The following GRM5 variants were observed in gnomAD, a reference collection of about 807,000 sequenced individuals.
GRM5 encodes the protein glutamate metabotropic receptor 5, also known as metabotropic glutamate receptor 5.
Under a neutral mutation model 83.1 loss-of-function variants are expected in GRM5, and 19 were observed. The observed-to-expected ratio is 0.23, with a 90% CI of 0.16 to 0.34. GRM5 has a LOEUF of 0.34. Among genes scored for constraint, GRM5 ranks in the 10% least tolerant of loss-of-function variants. The probability of loss-of-function intolerance (pLI) is 1.00; values close to 1 mark genes in which losing one functional copy is unlikely to be tolerated. For synonymous variants in GRM5, 675 were observed against 633.6 expected, an observed-to-expected ratio of 1.07 and a Z score of -0.98; for missense variants, 1,160 against 1,588.3, an observed-to-expected ratio of 0.73 and a Z score of 4.58.
chr11:89,048,954 TATC>T (rs1296460616), intron 1 of GRM5, among the ~76,000 whole-genome samples: 1 of 152,164 alleles, frequency 6.6e-6, no homozygotes, highest in Non-Finnish European at 1.5e-5. Flanking sequence ...CAATACAAGA[TATC>T]AACGAAATAA....
At chr11:89,043,114 T>C (rs1345408250) in intron 2 of GRM5, among the ~76,000 whole-genome samples, 1 of 152,154 alleles carries the variant, frequency 6.6e-6, no homozygotes. Flanking sequence ...AACTTACAAG[T>C]GCCTGCTATT....
intron 3 of GRM5, among the ~76,000 whole-genome samples, chr11:88,678,594 C>T (rs564491148): frequency 8.5e-5 from 13 of 152,182 alleles, no homozygotes; most frequent in Non-Finnish European, 1.3e-4. Context: ...TCATTGAACT[C>T]AGGTACAAAA....
chr11:88,732,973 T>A (rs1308852688), intron 3 of GRM5, among the ~76,000 whole-genome samples: 1 of 152,076 alleles, frequency 6.6e-6, no homozygotes, highest in Admixed American at 6.6e-5. Context: ...TTCCGTTTGT[T>A]TATGAATTTC....
At chr11:88,925,352 A>G (rs641594) in intron 2 of GRM5, among the ~76,000 whole-genome samples, 145,234 of 152,090 alleles carry the variant, frequency 0.95, 69,454 homozygotes, top group East Asian at 0.99. Flanking sequence ...CTTAGAAACT[A>G]GCTTCATCTC....
At chr11:88,927,124 G>T (rs1945803953) in intron 2 of GRM5, among the ~76,000 whole-genome samples, 2 of 152,056 alleles carry the variant, frequency 1.3e-5, no homozygotes, top group Non-Finnish European at 2.9e-5. Flanking sequence ...CTTTATCCTG[G>T]GGTGGTTTGG....
intron 3 of GRM5, among the ~76,000 whole-genome samples, chr11:88,715,360 A>C (rs1941377496): frequency 6.6e-6 from 1 of 151,986 alleles, no homozygotes; most frequent in South Asian, 2.1e-4. Context: ...ATTGGGATGC[A>C]GGTCTATCTG....
chr11:88,763,793 G>C (rs975129861), intron 3 of GRM5, among the ~76,000 whole-genome samples: 4 of 151,612 alleles, frequency 2.6e-5, no homozygotes, highest in African/African-American at 9.7e-5. Context: ...TAAAAAATCA[G>C]ATAAACCCAA....
intron 3 of GRM5, 77 bp from the exon 4 acceptor site, chr11:88,653,480 C>A: frequency 1.1e-6 from 1 of 917,168 alleles, no homozygotes; most frequent in Non-Finnish European, 1.7e-6. Context: ...TTCCTTTTGA[C>A]AAGATTAGTC....
chr11:88,751,086 A>AAC (rs773074065), intron 3 of GRM5, among the ~76,000 whole-genome samples: 540 of 148,416 alleles, frequency 3.6e-3, no homozygotes, highest in Middle Eastern at 6.9e-3. Flanking sequence ...AAAAAAAAAA[A>AAC]AAAAAAAAAC....
At chr11:89,006,897 A>G (rs886498445) in intron 2 of GRM5, among the ~76,000 whole-genome samples, 1 of 152,212 alleles carries the variant, frequency 6.6e-6, no homozygotes, top group African/African-American at 2.4e-5. Context: ...TCCCGGGTTC[A>G]CGCCGTTCTC....
At chr11:88,790,674 A>G (rs1943156843) in intron 3 of GRM5, among the ~76,000 whole-genome samples, 1 of 152,208 alleles carries the variant, frequency 6.6e-6, no homozygotes, top group Admixed American at 6.5e-5. Context: ...GAGAAAAAGC[A>G]TGAAGTACAA....
intron 2 of GRM5, among the ~76,000 whole-genome samples, chr11:88,991,154 C>A (rs1047255765): frequency 2.0e-5 from 3 of 152,162 alleles, no homozygotes; most frequent in African/African-American, 7.2e-5. Context: ...TGATAAGCAA[C>A]TTCAGCAAAG....
intron 3 of GRM5, among the ~76,000 whole-genome samples, chr11:88,679,491 G>T (rs1302267992): frequency 2.0e-5 from 3 of 152,040 alleles, no homozygotes; most frequent in African/African-American, 7.2e-5. Context: ...TCTTTTGGTT[G>T]CAGTATATAT....
intron 3 of GRM5, among the ~76,000 whole-genome samples, chr11:88,767,811 G>A (rs543305742): frequency 7.2e-5 from 11 of 151,826 alleles, no homozygotes; most frequent in South Asian, 2.1e-4. Flanking sequence ...ACCTGCACAT[G>A]TACCCCAGAA....
At chr11:89,025,331 G>T (rs559105887) in intron 2 of GRM5, among the ~76,000 whole-genome samples, 1 of 152,180 alleles carries the variant, frequency 6.6e-6, no homozygotes, top group Non-Finnish European at 1.5e-5. Flanking sequence ...AAGTTGCTAA[G>T]GATGGCAACA....
rs1356752858 is a variant in GRM5 at position 88,508,874 on chromosome 11, C to T, written c.3357G>A (p.Pro1119=). ...GCGCGCCTCCCGTGACTTCGATGGC[C>T]GGCAGAGGCTGGATTTCGGCAAAGG... ...MTTFAEIQPL[P]AIEVTGGAQP... is the part of the protein sequence containing the mutation. The change falls in exon 10 of 10, where the codon CCG becomes CCA. Residue 1119 remains proline, a synonymous_variant. Coordinates refer to ENST00000305447, the MANE Select transcript of GRM5 (RefSeq NM_001143831.3). The surrounding 1 kb of genome is among the most constrained non-coding windows in gnomAD (Gnocchi z 4.2). The T allele has an allele frequency of 3.8e-6, 6 of 1,588,390 alleles. No individual in the cohort carries two copies. Among genetic ancestry groups the T allele is most frequent in the South Asian group, 1.1e-5 (1 of 87,080 alleles).
chr11:88,606,941 G>GTT (rs36065663), intron 4 of GRM5, among the ~76,000 whole-genome samples: 48 of 128,216 alleles, frequency 3.7e-4, no homozygotes, highest in Admixed American at 1.6e-3. Context: ...TAAGAAAGGT[G>GTT]TTTTTTTTTT....
At chr11:88,685,993 A>C (rs1940612334) in intron 3 of GRM5, among the ~76,000 whole-genome samples, 1 of 152,124 alleles carries the variant, frequency 6.6e-6, no homozygotes, top group Non-Finnish European at 1.5e-5. Flanking sequence ...CACCTAGTGG[A>C]GATGTGAGAA....
intron 9 of GRM5, among the ~76,000 whole-genome samples, chr11:88,517,465 G>C (rs557888057): frequency 6.6e-6 from 1 of 152,140 alleles, no homozygotes; most frequent in Non-Finnish European, 1.5e-5. Context: ...TAACATTTGT[G>C]TTGAAGAATC....
Sources: allele counts gnomAD v4.1 joint callset (sites outside exome capture counted in the v4.1 genomes callset), GRCh38; gene constraint gnomAD v4.1.1; non-coding constraint Gnocchi (gnomAD v3.1); transcripts MANE v1.5; gene names NCBI Gene and HGNC (gene_info 2026-07-23, HGNC 2026-07-21).